MYO15A: variants seen among roughly 807,000 people sequenced by gnomAD.
The protein encoded by MYO15A is unconventional myosin-XV.
MYO15A carries 308 observed loss-of-function variants against 394.6 expected under a neutral mutation model. That is an observed-to-expected ratio of 0.78 (90% CI 0.71 to 0.86). MYO15A has a LOEUF of 0.86. MYO15A is among the 40% of genes least tolerant of loss of function. The pLI is 0.00. For synonymous variants in MYO15A, 1,957 were observed against 2,003.8 expected, an observed-to-expected ratio of 0.98 and a Z score of 0.62; for missense variants, 4,606 against 4,799.1, an observed-to-expected ratio of 0.96 and a Z score of 1.19.
intron 7 of MYO15A, among the ~76,000 whole-genome samples, chr17:18,127,582 G>C (rs1256702114): frequency 6.6e-6 from 1 of 152,144 alleles, no homozygotes; most frequent in East Asian, 1.9e-4. Flanking sequence ...TGTGGGTTAG[G>C]GGTGGGGTGG....
Position 18,157,161 on chromosome 17 carries a change from A to C in MYO15A, c.8719A>C (p.Ser2907Arg). The change falls in exon 50 of 66, where the codon AGT becomes CGT. Residue 2907 changes from serine (S) to arginine (R), a missense_variant. By Grantham distance (110) the Ser-to-Arg change is moderately radical (BLOSUM62 -1). Around this residue, in one of 2 missense-constraint regions of MYO15A, gnomAD observed 2,776 missense variants for 3,109.3 expected, o/e 0.89. Transcript: ENST00000647165. ...QPLEPPRVGY[S>R]AGCVVRRKVV... ...GACCCGAGCCTGGCCCATAGGCTAC[A>C]GTGCTGGCTGCGTGGTTCGCAGGAA... is the stretch of plus-strand genomic sequence containing the variant. 6.2e-7 allele frequency: 1 copy of C among 1,611,092 alleles called. No individual in the cohort carries two copies. Among genetic ancestry groups the C allele is most frequent in the Non-Finnish European group, 8.5e-7 (1 of 1,178,650 alleles).
intron 19 of MYO15A, 49 bp from the exon 20 acceptor site, chr17:18,140,468 G>T (rs781770960): frequency 6.2e-7 from 1 of 1,612,226 alleles, no homozygotes; most frequent in Non-Finnish European, 8.5e-7. Context: ...CCTCATTTCG[G>T]TCTCCCGGAC....
chr17:18,139,514 GC>G lies in MYO15A; in HGVS notation c.5134-18del. 1 of 1,612,702 alleles carries G rather than the reference GC, an allele frequency of 6.2e-7. No homozygotes were observed. Among genetic ancestry groups the G allele is most frequent in the Non-Finnish European group, 8.5e-7 (1 of 1,179,302 alleles). On this transcript the variant is annotated intron_variant, in intron 18 of 65. Coordinates refer to ENST00000647165, the MANE Select transcript of MYO15A (RefSeq NM_016239.4). The stretch of plus-strand genomic sequence containing the variant: ...AGAGACAGAGGCCAGGATTACCCAG[GC>G]CATTGTTCCCCTTTTCAGGTGCACA...
At chr17:18,169,105 C>T (rs1240573102) in intron 62 of MYO15A, among the ~76,000 whole-genome samples, 1 of 130,548 alleles carries the variant, frequency 7.7e-6, no homozygotes, top group African/African-American at 2.9e-5. Flanking sequence ...AAGAGCGAAA[C>T]TCCATCTCAA....
chr17:18,162,032 C>T (rs1029472961), intron 57 of MYO15A, among the ~76,000 whole-genome samples: 1 of 152,170 alleles, frequency 6.6e-6, no homozygotes, highest in East Asian at 1.9e-4. Context: ...GAATGCTTCT[C>T]TCTGATTCAA....
At chr17:18,170,924 C>T (rs534689776) in intron 62 of MYO15A, among the ~76,000 whole-genome samples, 3 of 152,296 alleles carry the variant, frequency 2.0e-5, no homozygotes, top group African/African-American at 7.2e-5. Flanking sequence ...ACTGGGGAGG[C>T]TGGGTTCAGA....
chr17:18,131,551 G>C lies in MYO15A; in HGVS notation c.4206+20G>C, dbSNP rs928138793. The C allele has an allele frequency of 3.1e-6, 5 of 1,613,688 alleles. No individual in the cohort carries two copies. The highest frequency in any genetic ancestry group is 4.2e-6 in the Non-Finnish European group (5 of 1,179,784). On this transcript the variant is annotated intron_variant, in intron 10 of 65. Transcript: ENST00000647165. ...TTTCAGGTGGGCCACCCCCTCCCAGGCCTCTGTGTTGGGCAGGGTCGGGGT... is the reference window on the plus strand; with the variant it reads ...TTTCAGGTGGGCCACCCCCTCCCAGCCCTCTGTGTTGGGCAGGGTCGGGGT...
Position 18,122,303 on chromosome 17 carries a change from C to T in MYO15A, c.3503C>T (p.Pro1168Leu). The change falls in exon 2 of 66, where the codon CCA (proline) becomes CTA (leucine). Residue 1168 changes from proline to leucine, a missense_variant. Physicochemically the swap from Pro to Leu is moderately conservative, Grantham distance 98. This residue lies in a region of MYO15A where 1,830 missense variants were observed against 1,689.7 expected (regional missense o/e 1.08). Coordinates refer to ENST00000647165, the MANE Select transcript of MYO15A (RefSeq NM_016239.4). ...CGGGCAGATGCCTATGGACCCTGGC[C>T]ACGAGTACACACCCATCCCCAGTCC... ...WLRADAYGPWPRVHTHPQSCH... is the reference protein window; with the variant it reads ...WLRADAYGPWLRVHTHPQSCH... 1 of 1,613,058 alleles carries T rather than the reference C, an allele frequency of 6.2e-7. No individual in the cohort carries two copies. Among genetic ancestry groups the T allele is most frequent in the Non-Finnish European group, 8.5e-7 (1 of 1,179,992 alleles).
In MYO15A at chr17:18,148,405, C is replaced by T; in HGVS notation, c.6692-91C>T. 1 of 1,499,396 alleles carries T rather than the reference C, an allele frequency of 6.7e-7. No individual in the cohort carries two copies. The highest frequency in any genetic ancestry group is 9.1e-7 in the Non-Finnish European group (1 of 1,102,740). The allele number at this position is 1,499,396 out of a possible 1,614,324, so 92.9% of individuals were successfully genotyped here. A position where few individuals can be genotyped will look rare whatever the true frequency, so the allele number is the denominator to read the frequency against. On this transcript the variant is annotated intron_variant, in intron 31 of 65. Coordinates refer to ENST00000647165, the MANE Select transcript of MYO15A (RefSeq NM_016239.4). The surrounding 1 kb of genome is among the most constrained non-coding windows in gnomAD (Gnocchi z 4.8). ...AGCCAGGGAAGTGAGGCTACAGATA[C>T]AGGAAGCCTGAAAGGAAGAAGCAAG...
chr17:18,119,014 C>T lies in MYO15A; in HGVS notation c.214C>T (p.Arg72Cys), dbSNP rs1408450513. The part of the protein sequence containing the change: ...GLHTGPQKTK[R>C]KRKARTVLKS... ...CCACACCGGCCCCCAGAAGACCAAG[C>T]GCAAGAGGAAGGCCCGCACCGTGCT... Residue 72 changes from arginine (R) to cysteine (C), a missense_variant, in exon 2 of 66, where the codon CGC becomes TGC. By Grantham distance (180) the Arg-to-Cys change is radical. Around this residue, in one of 2 missense-constraint regions of MYO15A, gnomAD observed 1,830 missense variants for 1,689.7 expected, o/e 1.08. Coordinates refer to ENST00000647165, the MANE Select transcript of MYO15A (RefSeq NM_016239.4). 1 of 1,612,686 alleles carries T rather than the reference C, an allele frequency of 6.2e-7. No individual in the cohort carries two copies. The highest frequency in any genetic ancestry group is 8.5e-7 in the Non-Finnish European group (1 of 1,179,900).
Position 18,120,144 on chromosome 17 carries a change from C to G in MYO15A, c.1344C>G (p.Thr448=), listed in dbSNP as rs565601169. The G allele has an allele frequency of 6.8e-6, 11 of 1,612,924 alleles. No homozygotes were observed. In the East Asian group the frequency reaches 2.5e-4, roughly 36 times the overall value. ...ACGCGGGCGTAGAGCGTCAGGGGAC[C>G]TCCTTCCGCCTGCCCAGCGCCGCCT... ...PEDAGVERQG[T]SFRLPSAAFF... is the part of the protein sequence containing the mutation. Residue 448 remains threonine, a synonymous_variant, in exon 2 of 66, where the codon ACC becomes ACG. Coordinates refer to ENST00000647165, the MANE Select transcript of MYO15A (RefSeq NM_016239.4).
rs755751924 is a variant in MYO15A, at chr17:18,150,717, C to T, written c.7347C>T (p.Ser2449=). ...CCTCAGTCCCAGGCCTGGATGCCTC[C>T]ACATTGGCTCTGCAGCAAGCCTTCA... The part of the protein sequence containing the change: ...EPKPIPGLDA[S]TLALQQAFIH... Residue 2449 remains serine (S), a synonymous_variant, in exon 37 of 66, where the codon TCC becomes TCT. Coordinates refer to ENST00000647165, the MANE Select transcript of MYO15A (RefSeq NM_016239.4). The surrounding 1 kb of genome is among the most constrained non-coding windows in gnomAD (Gnocchi z 4.4). 7 of 1,589,510 alleles carry T rather than the reference C, an allele frequency of 4.4e-6. No homozygotes were observed. The highest frequency in any genetic ancestry group is 6.0e-6 in the Non-Finnish European group (7 of 1,166,726).
Position 18,163,856 on chromosome 17 carries a change from T to C in MYO15A, c.9787+18T>C, listed in dbSNP as rs1175342638. Reference sequence around the variant, plus strand: ...CAACCGTGGTGAGTGCCAGGAAGACTGAGCATGCTGGGCCCATTCCCATCC... The same window carrying C: ...CAACCGTGGTGAGTGCCAGGAAGACCGAGCATGCTGGGCCCATTCCCATCC... On this transcript the variant is annotated intron_variant, in intron 60 of 65. Coordinates refer to ENST00000647165, the MANE Select transcript of MYO15A (RefSeq NM_016239.4). The C allele has an allele frequency of 1.2e-6, 2 of 1,609,914 alleles. No individual in the cohort carries two copies. The highest frequency in any genetic ancestry group is 2.2e-5 in the South Asian group (2 of 90,376).
chr17:18,119,598 C>G lies in MYO15A; in HGVS notation c.798C>G (p.Pro266=). The change falls in exon 2 of 66, where the codon CCC becomes CCG. Residue 266 remains proline, a synonymous_variant. Coordinates refer to ENST00000647165, the MANE Select transcript of MYO15A (RefSeq NM_016239.4). ...EQEPYLAGLG[P]YSPAWPPYGD... is the part of the protein sequence containing the mutation. ...AACCCTACCTGGCGGGCCTCGGCCC[C>G]TACAGCCCGGCCTGGCCACCCTACG... 1 of 1,604,234 alleles carries G rather than the reference C, an allele frequency of 6.2e-7. No homozygotes were observed. The highest frequency in any genetic ancestry group is 8.5e-7 in the Non-Finnish European group (1 of 1,179,938).
Position 18,121,996 on chromosome 17 carries a change from G to C in MYO15A, c.3196G>C (p.Ala1066Pro), listed in dbSNP as rs199537186. ...TLRPSLSYPL[A>P]ACDQTRATWP... ...AAGGCCCAGCCTCTCATACCCACTG[G>C]CTGCGTGTGACCAGACCAGGGCCAC... Residue 1066 changes from alanine to proline, a missense_variant, in exon 2 of 66, where the codon GCT becomes CCT. This residue lies in a region of MYO15A where 1,830 missense variants were observed against 1,689.7 expected (regional missense o/e 1.08). Coordinates refer to ENST00000647165, the MANE Select transcript of MYO15A (RefSeq NM_016239.4). This position sits in a 1 kb window ranked among gnomAD's most constrained non-coding sequence, Gnocchi z 5.3. 1.2e-4 allele frequency: 192 copies of C among 1,613,230 alleles called. No homozygotes were observed. The African/African-American group carries it at 2.4e-3, about 20-fold the overall frequency.
At chr17:18,155,605 GTTGT>G (rs2046662795) in intron 47 of MYO15A, among the ~76,000 whole-genome samples, 173 bp downstream of exon 47, 1 of 152,198 alleles carries the variant, frequency 6.6e-6, no homozygotes, top group African/African-American at 2.4e-5. Context: ...AGAGAGAGAA[GTTGT>G]TTGTCTCAGG....
intron 58 of MYO15A, 85 bp from the exon 59 acceptor site, chr17:18,163,159 C>T: frequency 6.9e-7 from 1 of 1,440,640 alleles, no homozygotes; most frequent in African/African-American, 1.4e-5. Context: ...GATCCTTTGG[C>T]TTGGGAACTC....
chr17:18,134,059 G>A (rs185039762), intron 12 of MYO15A, among the ~76,000 whole-genome samples: 1,771 of 151,932 alleles, frequency 0.012, 37 homozygotes, highest in African/African-American at 0.041. Context: ...GCGCAATCTC[G>A]GCTCATTGCA....
Position 18,167,638 on chromosome 17 carries a change from C to A in MYO15A, c.9997C>A (p.Arg3333=). 1.2e-6 allele frequency: 2 copies of A among 1,604,072 alleles called. No individual in the cohort carries two copies. Among genetic ancestry groups the A allele is most frequent in the Non-Finnish European group, 1.7e-6 (2 of 1,179,948 alleles). The part of the protein sequence containing the change: ...KGLFSSVPAS[R]PSEQLLQQVS... The stretch of plus-strand genomic sequence containing the variant: ...ACTCTTCAGCAGTGTGCCGGCCAGC[C>A]GGCCCAGCGAGCAGCTGCTGCAGCA... Residue 3333 remains arginine (R), a synonymous_variant, in exon 62 of 66, where the codon CGG becomes AGG. Transcript: ENST00000647165.
Sources: gnomAD v4.1 joint callset for allele counts (sites outside exome capture counted in the v4.1 genomes callset) on GRCh38, gnomAD v4.1.1 for gene constraint, gnomAD v4.1.1 regional missense constraint, Gnocchi (gnomAD v3.1) non-coding constraint, MANE v1.5 for transcripts, NCBI Gene and HGNC (gene_info 2026-07-23, HGNC 2026-07-21) for gene names.